The following SPAG9 variants were observed in gnomAD, a reference collection of about 807,000 sequenced individuals.
The protein encoded by SPAG9 is C-Jun-amino-terminal kinase-interacting protein 4.
SPAG9 carries 35 observed loss-of-function variants against 166.5 expected under a neutral mutation model. The observed-to-expected ratio is 0.21, with a 90% CI of 0.16 to 0.28. SPAG9 has a LOEUF of 0.28. Ranked by LOEUF, SPAG9 falls within the 10% of genes least tolerant of loss-of-function variation. SPAG9 has a pLI of 1.00. For missense variants in SPAG9, 1,235 were observed against 1,603.3 expected (o/e 0.77, Z 3.92); for synonymous variants, 534 against 565.5 (o/e 0.94, Z 0.79).
At chr17:51,106,102 T>TACACACACAC (rs71149344) in intron 1 of SPAG9, among the ~76,000 whole-genome samples, 2,291 of 110,620 alleles carry the variant, frequency 0.021, 62 homozygotes, top group South Asian at 0.029. Flanking sequence ...CCCCCATCTC[T>TACACACACAC]ACACACACAC....
intron 3 of SPAG9, among the ~76,000 whole-genome samples, chr17:51,054,302 T>C (rs1047478540): frequency 5.3e-5 from 8 of 151,660 alleles, no homozygotes; most frequent in Non-Finnish European, 1.2e-4. Flanking sequence ...ATATTTTTTT[T>C]GGTAGAGTCG....
intron 26 of SPAG9, among the ~76,000 whole-genome samples, chr17:50,978,716 G>C (rs903479205): frequency 6.6e-6 from 1 of 152,182 alleles, no homozygotes. Context: ...GAACTTCCCA[G>C]GTAGATGATA....
intron 10 of SPAG9, among the ~76,000 whole-genome samples, 198 bp downstream of exon 10, chr17:51,007,071 G>C (rs1043029095): frequency 4.6e-5 from 7 of 151,790 alleles, no homozygotes; most frequent in African/African-American, 1.7e-4. Flanking sequence ...ACAGGGCAAG[G>C]GAACATATCT....
intron 9 of SPAG9, among the ~76,000 whole-genome samples, chr17:51,010,580 A>ATATAT (rs1466337402): frequency 9.3e-5 from 13 of 140,222 alleles, no homozygotes; most frequent in African/African-American, 3.5e-4. Flanking sequence ...AAAAAAAAAA[A>ATATAT]AAATATATAT....
chr17:51,003,529 A>G (rs1202503661), intron 12 of SPAG9, among the ~76,000 whole-genome samples: 1 of 152,212 alleles, frequency 6.6e-6, no homozygotes, highest in East Asian at 1.9e-4. Context: ...AGTCGCTAAA[A>G]TACCAACATA....
intron 1 of SPAG9, among the ~76,000 whole-genome samples, chr17:51,115,416 CTT>C (rs71355714): frequency 1.4e-3 from 206 of 142,934 alleles, no homozygotes; most frequent in Non-Finnish European, 1.3e-3. Flanking sequence ...TGAACTCATC[CTT>C]TTTTTTTTTT....
chr17:51,096,355 A>G (rs1340276397), intron 1 of SPAG9, among the ~76,000 whole-genome samples: 5 of 152,032 alleles, frequency 3.3e-5, no homozygotes, highest in African/African-American at 1.2e-4. Context: ...TCTCAAAAAA[A>G]AACAAAAAAA....
At chr17:51,112,984 A>C (rs2144787330) in intron 1 of SPAG9, among the ~76,000 whole-genome samples, 1 of 149,530 alleles carries the variant, frequency 6.7e-6, no homozygotes, top group East Asian at 2.0e-4. Flanking sequence ...AAAAAAAAAA[A>C]CCCAACCAAA....
chr17:50,984,775 A>C (rs1015705548), intron 24 of SPAG9, 148 bp downstream of exon 24: 1 of 699,738 alleles, frequency 1.4e-6, no homozygotes, highest in South Asian at 1.7e-5. Context: ...ACCTCCATGC[A>C]CGCACTAATA....
At chr17:50,987,846 T>C (rs535707081) in intron 21 of SPAG9, among the ~76,000 whole-genome samples, 4 of 152,256 alleles carry the variant, frequency 2.6e-5, no homozygotes, top group Non-Finnish European at 4.4e-5. Flanking sequence ...ACAAAACCTT[T>C]CCTTTGAATT....
At chr17:51,083,931 T>C (rs1459565499) in intron 1 of SPAG9, among the ~76,000 whole-genome samples, 1 of 152,116 alleles carries the variant, frequency 6.6e-6, no homozygotes, top group East Asian at 1.9e-4. Context: ...TAGCACCTCT[T>C]CGCTATACTT....
At chr17:50,975,732 T>C in intron 27 of SPAG9, 2 of 609,532 alleles carry the variant, frequency 3.3e-6, no homozygotes, top group South Asian at 2.2e-5. Context: ...AAAAGACACC[T>C]GCTGCGATGC....
At chr17:51,053,854 A>AAGTATAT (rs1491529465) in intron 3 of SPAG9, among the ~76,000 whole-genome samples, 1 of 34,452 alleles carries the variant, frequency 2.9e-5, no homozygotes, top group African/African-American at 1.6e-4. Flanking sequence ...AAAAAAAAAA[A>AAGTATAT]GTATATATAT....
chr17:51,065,688 T>C (rs1309180471), intron 2 of SPAG9, among the ~76,000 whole-genome samples: 1 of 152,174 alleles, frequency 6.6e-6, no homozygotes, highest in African/African-American at 2.4e-5. Context: ...CTCTTTTGCT[T>C]GGGCAAATAG....
At position 50,987,169 on chromosome 17, in the gene SPAG9, T is replaced by G. The variant is rs145376178; in HGVS notation, c.2882A>C (p.Glu961Ala). The G allele has an allele frequency of 9.2e-5, 149 of 1,613,578 alleles. No individual in the cohort carries two copies. The highest frequency in any genetic ancestry group is 3.3e-4 in the Middle Eastern group (2 of 6,080). ...LPNEQDLVRE[E>A]AQKMSSLLPT... ...TAAAAGACTACTCATTTTCTGGGCT[T>G]CTTCTCTCACCAAGTCTTGTTCATT... The change falls in exon 22 of 30, where the codon GAA becomes GCA. Residue 961 changes from glutamate (E) to alanine (A), a missense_variant. Physicochemically the swap from Glu to Ala is moderately radical, Grantham distance 107. Around this residue, in one of 6 missense-constraint regions of SPAG9, gnomAD observed 493 missense variants for 559.4 expected, o/e 0.88. Coordinates refer to ENST00000262013, the MANE Select transcript of SPAG9 (RefSeq NM_001130528.3).
Position 51,019,398 on chromosome 17 carries a change from CA to C in SPAG9, c.1091+760del, listed in dbSNP as rs1040063605. ...CAAAACCCCGTCTCTACTAAAAATA[CA>C]AAAAAAAATTAGCTAGGCATGGTGG... On this transcript the variant is annotated intron_variant, in intron 8 of 29. Transcript: ENST00000262013. 1.2e-4 allele frequency among the ~76,000 whole-genome samples: 18 copies of C among 151,080 alleles called. 1 individual carries two copies. In the East Asian group the frequency reaches 2.9e-3, roughly 24 times the overall value.
intron 2 of SPAG9, among the ~76,000 whole-genome samples, chr17:51,059,481 T>C (rs2047444833): frequency 6.6e-6 from 1 of 151,800 alleles, no homozygotes; most frequent in Admixed American, 6.6e-5. Context: ...TAAAGAAAAT[T>C]TGGTGGGTCA....
rs201334137 is a variant in SPAG9, at chr17:50,964,928, GT to G, written c.*1343del. On this transcript the variant is annotated 3_prime_UTR_variant, in exon 30 of 30. Coordinates refer to ENST00000262013, the MANE Select transcript of SPAG9 (RefSeq NM_001130528.3). ...CCACCACACCCGGTTAATTTATTTT[GT>G]TTTTTTTTTTTGGTAGAGACAGGGT... The G allele has an allele frequency of 0.01, 1,680 of 166,764 alleles. No individual in the cohort carries two copies. Among genetic ancestry groups the G allele is most frequent in the South Asian group, 0.041 (532 of 12,834 alleles). 10.3% of individuals were successfully genotyped at this position (166,764 alleles called of 1,614,324 possible).
intron 1 of SPAG9, among the ~76,000 whole-genome samples, chr17:51,110,595 G>A (rs958157839): frequency 1.3e-5 from 2 of 151,954 alleles, no homozygotes; most frequent in African/African-American, 4.8e-5. Context: ...AGGCTGAGAC[G>A]GAAGGATGGC....
Sources: gnomAD v4.1 joint callset for allele counts (sites outside exome capture counted in the v4.1 genomes callset) on GRCh38, gnomAD v4.1.1 for gene constraint, gnomAD v4.1.1 regional missense constraint, MANE v1.5 for transcripts, NCBI Gene and HGNC (gene_info 2026-07-23, HGNC 2026-07-21) for gene names.